Variants in UTP20 observed in about 807,000 individuals in gnomAD.
The protein encoded by UTP20 is small subunit processome component 20 homolog.
A neutral mutation model predicts 329.5 loss-of-function variants in UTP20; 164 were observed. The observed-to-expected ratio is 0.50, with a 90% CI of 0.44 to 0.57. UTP20 has a LOEUF of 0.57. UTP20 is among the 20% of genes least tolerant of loss of function. The pLI is 0.00. For synonymous variants in UTP20, 1,151 were observed against 1,159.3 expected (o/e 0.99, Z 0.14); for missense variants, 3,055 against 3,284.2 (o/e 0.93, Z 1.71).
chr12:101,327,285 C>A, intron 26 of UTP20, 38 bp downstream of exon 26: 1 of 1,497,740 alleles, frequency 6.7e-7, no homozygotes, highest in South Asian at 1.4e-5. Flanking sequence ...TACCTGTTGT[C>A]TGCGGTGGAC....
chr12:101,366,644 A>G lies in UTP20; in HGVS notation c.6212A>G (p.Lys2071Arg). ...LPPTPVRGGQ[K>R]AVVSRKTNMH... The stretch of plus-strand genomic sequence containing the variant: ...CCAACTCCAGTTCGAGGTGGACAGA[A>G]AGCTGTTGTGAGCAGGAAAACCAAC... The change falls in exon 47 of 62, where the codon AAA (lysine) becomes AGA (arginine). Residue 2071 changes from lysine to arginine, a missense_variant. By Grantham distance (26) the Lys-to-Arg change is conservative. Around this residue, in one of 3 missense-constraint regions of UTP20, gnomAD observed 2,445 missense variants for 2,575.5 expected, o/e 0.95. Transcript: ENST00000261637. 1 of 1,614,166 alleles carries G rather than the reference A, an allele frequency of 6.2e-7. No homozygotes were observed. The highest frequency in any genetic ancestry group is 8.5e-7 in the Non-Finnish European group (1 of 1,180,028).
intron 38 of UTP20, among the ~76,000 whole-genome samples, chr12:101,347,978 G>A (rs1196854932): frequency 2.0e-5 from 3 of 151,940 alleles, no homozygotes; most frequent in Admixed American, 6.6e-5. Flanking sequence ...ACAGGCACCC[G>A]CCACCACACC....
chr12:101,321,518 G>A lies in UTP20; in HGVS notation c.2930G>A (p.Arg977Lys). 1 of 1,613,114 alleles carries A rather than the reference G, an allele frequency of 6.2e-7. No homozygotes were observed. The highest frequency in any genetic ancestry group is 8.5e-7 in the Non-Finnish European group (1 of 1,179,536). ...TGTTTTTAAAGGGAAAACTTACAAA[G>A]GTTGCTTGAAGACAGAAGCTTTAAG... ...HVLPYRENLQ[R>K]LLEDRSFKEE... The change falls in exon 25 of 62, where the codon AGG (arginine) becomes AAG (lysine). Residue 977 changes from arginine to lysine, a missense_variant. By Grantham distance (26) the Arg-to-Lys change is conservative. Around this residue, in one of 3 missense-constraint regions of UTP20, gnomAD observed 2,445 missense variants for 2,575.5 expected, o/e 0.95. Coordinates refer to ENST00000261637, the MANE Select transcript of UTP20 (RefSeq NM_014503.3).
At position 101,338,799 on chromosome 12, in the gene UTP20, ACTAT is replaced by A. The variant is rs148367243; in HGVS notation, c.3869-9_3869-6del. Reference sequence around the variant, plus strand: ...GAGTTTATTAAAATCAAATCAAATCACTATCTATTTCAGAGTCTATCACAATAGG... The same window carrying A: ...GAGTTTATTAAAATCAAATCAAATCACTATTTCAGAGTCTATCACAATAGG... On this transcript the variant is annotated splice_polypyrimidine_tract_variant and intron_variant, in intron 30 of 61. Transcript: ENST00000261637. The A allele has an allele frequency of 0.01, 16,242 of 1,574,560 alleles. 339 individuals carry two copies. Among genetic ancestry groups the A allele is most frequent in the East Asian group, 0.084 (3,572 of 42,560 alleles).
At chr12:101,348,888 C>T (rs1353625850) in intron 38 of UTP20, among the ~76,000 whole-genome samples, 1 of 151,714 alleles carries the variant, frequency 6.6e-6, no homozygotes, top group Non-Finnish European at 1.5e-5. Flanking sequence ...CATTTTATTT[C>T]TGAGAAGAGG....
rs763193832 is a variant in UTP20, at chr12:101,327,063, G to A, written c.3042-18G>A. 8.9e-6 allele frequency: 14 copies of A among 1,577,228 alleles called. No homozygotes were observed. The highest frequency in any genetic ancestry group is 1.2e-5 in the Non-Finnish European group (14 of 1,152,946). ...TAGAATTAATGTGCAAACAAATAAT[G>A]TGCTTTTGCCTTTTCAGAATTTTGT... On this transcript the variant is annotated intron_variant, in intron 25 of 61. Coordinates refer to ENST00000261637, the MANE Select transcript of UTP20 (RefSeq NM_014503.3).
chr12:101,374,738 C>T (rs1870415269), intron 54 of UTP20, 70 bp from the exon 55 acceptor site: 2 of 760,962 alleles, frequency 2.6e-6, no homozygotes, highest in Admixed American at 2.2e-5. Flanking sequence ...TAATGCCCAC[C>T]TTTATTTTAC....
chr12:101,289,536 A>G (rs1593417756), intron 6 of UTP20, among the ~76,000 whole-genome samples: 1 of 152,154 alleles, frequency 6.6e-6, no homozygotes, highest in Non-Finnish European at 1.5e-5. Flanking sequence ...TTTTGAATTT[A>G]TCTCACAGTA....
At position 101,335,352 on chromosome 12, in the gene UTP20, A is replaced by G. The variant is rs1027094196; in HGVS notation, c.3641+848A>G. 2.6e-5 allele frequency among the ~76,000 whole-genome samples: 4 copies of G among 152,342 alleles called. No individual in the cohort carries two copies. In the East Asian group the frequency reaches 7.7e-4, roughly 29 times the overall value. On this transcript the variant is annotated intron_variant, in intron 29 of 61. Transcript: ENST00000261637. ...TTAGAATTGATAGAGATGTTCTTCC[A>G]ATATATGTAATAATTATGTCAGCAG...
rs142916101 is a variant in UTP20, at chr12:101,339,961, A to G, written c.4014-562A>G. The stretch of plus-strand genomic sequence containing the variant: ...GGGAAATCATACTAATACACTCATT[A>G]AATTTCATCCCAGGCTATGTAGTAG... On this transcript the variant is annotated intron_variant, in intron 31 of 61. Transcript: ENST00000261637. 1.0e-3 allele frequency among the ~76,000 whole-genome samples: 152 copies of G among 152,336 alleles called. 2 individuals are homozygous for G. The highest frequency in any genetic ancestry group is 3.5e-3 in the African/African-American group (147 of 41,586).
intron 21 of UTP20, among the ~76,000 whole-genome samples, chr12:101,316,575 G>A (rs1157206998): frequency 6.6e-6 from 1 of 152,190 alleles, no homozygotes; most frequent in East Asian, 1.9e-4. Flanking sequence ...TATCGATCTG[G>A]AGGTTAACTT....
At chr12:101,382,517 G>A (rs1377362790) in intron 58 of UTP20, among the ~76,000 whole-genome samples, 1 of 152,168 alleles carries the variant, frequency 6.6e-6, no homozygotes, top group African/African-American at 2.4e-5. Context: ...ATAGATCAAA[G>A]TTACATGGAA....
chr12:101,351,391 C>T (rs1356104688), intron 38 of UTP20, among the ~76,000 whole-genome samples: 1 of 152,210 alleles, frequency 6.6e-6, no homozygotes, highest in East Asian at 1.9e-4. Context: ...TCCCAAAGTG[C>T]TGGGATTACA....
intron 38 of UTP20, among the ~76,000 whole-genome samples, chr12:101,348,063 A>G (rs1593442809): frequency 6.6e-6 from 1 of 152,138 alleles, no homozygotes; most frequent in Non-Finnish European, 1.5e-5. Context: ...TACTGACCTT[A>G]GGTGATCTGC....
At chr12:101,316,539 C>T (rs1872977089) in intron 21 of UTP20, among the ~76,000 whole-genome samples, 1 of 152,060 alleles carries the variant, frequency 6.6e-6, no homozygotes, top group Non-Finnish European at 1.5e-5. Context: ...CCACAGTGTC[C>T]CAGCCCTCAG....
intron 5 of UTP20, 101 bp from the exon 6 acceptor site, chr12:101,288,859 C>A: frequency 2.0e-6 from 2 of 1,019,532 alleles, no homozygotes; most frequent in South Asian, 1.4e-5. Context: ...CTGTGTATTC[C>A]TTGCATACCC....
chr12:101,378,735 A>G (rs1448097138), intron 56 of UTP20, among the ~76,000 whole-genome samples: 1 of 152,118 alleles, frequency 6.6e-6, no homozygotes, highest in Admixed American at 6.6e-5. Flanking sequence ...AAAAAGAAAA[A>G]AAAGAAAATG....
chr12:101,298,050 A>G (rs1336520472), intron 12 of UTP20, among the ~76,000 whole-genome samples: 2 of 152,204 alleles, frequency 1.3e-5, no homozygotes, highest in East Asian at 1.9e-4. Context: ...GAATATTACT[A>G]GTAACACTCT....
chr12:101,290,675 G>A, intron 7 of UTP20, 58 bp from the exon 8 acceptor site: 1 of 1,526,744 alleles, frequency 6.5e-7, no homozygotes, highest in Non-Finnish European at 8.8e-7. Flanking sequence ...GTGACTCCCA[G>A]AGCAATACTT....
Sources: allele counts gnomAD v4.1 joint callset (sites outside exome capture counted in the v4.1 genomes callset), GRCh38; gene constraint gnomAD v4.1.1; regional missense constraint gnomAD v4.1.1; transcripts MANE v1.5; gene names NCBI Gene and HGNC (gene_info 2026-07-23, HGNC 2026-07-21).